The following EPM2A variants were observed in gnomAD, a reference collection of about 807,000 sequenced individuals.
EPM2A encodes laforin.
EPM2A carries 21 observed loss-of-function variants against 26.5 expected under a neutral mutation model. The ratio of observed to expected loss-of-function variants is 0.79; its 90% CI spans 0.56 to 1.14. EPM2A has a LOEUF of 1.14. Ranked by LOEUF, EPM2A falls within the 50% of genes most tolerant of loss-of-function variation. The pLI is 0.00. For missense variants in EPM2A, 458 were observed against 440.8 expected (o/e 1.04, Z -0.35); for synonymous variants, 217 against 177.6 (o/e 1.22, Z -1.76).
intron 2 of EPM2A, among the ~76,000 whole-genome samples, chr6:145,617,756 T>C (rs1230539878): frequency 2.6e-5 from 4 of 152,058 alleles, no homozygotes; most frequent in Non-Finnish European, 4.4e-5. Flanking sequence ...CTGGGTGACA[T>C]AGTGAGACCC....
chr6:145,388,273 TC>T (rs1165760574), intron 4 of EPM2A, among the ~76,000 whole-genome samples: 1 of 152,148 alleles, frequency 6.6e-6, no homozygotes, highest in African/African-American at 2.4e-5. Flanking sequence ...CCTGTGAAGA[TC>T]CACAGAGTTC....
At chr6:145,397,458 A>G (rs1778420812) in intron 4 of EPM2A, among the ~76,000 whole-genome samples, 1 of 152,150 alleles carries the variant, frequency 6.6e-6, no homozygotes, top group Non-Finnish European at 1.5e-5. Context: ...AAGGGGCAAC[A>G]GAAAAGAAAG....
chr6:145,535,908 A>T (rs1281676360), intron 2 of EPM2A, among the ~76,000 whole-genome samples: 1 of 152,266 alleles, frequency 6.6e-6, no homozygotes, highest in Non-Finnish European at 1.5e-5. Flanking sequence ...CTCTGCCTGA[A>T]GCCCTGCTTT....
chr6:145,679,332 A>G (rs1780322170), intron 2 of EPM2A, among the ~76,000 whole-genome samples: 1 of 152,140 alleles, frequency 6.6e-6, no homozygotes, highest in South Asian at 2.1e-4. Flanking sequence ...TGGGTGCAGC[A>G]AACCAACATG....
At chr6:145,713,347 A>G (rs1775442480) in intron 1 of EPM2A, among the ~76,000 whole-genome samples, 2 of 152,222 alleles carry the variant, frequency 1.3e-5, no homozygotes, top group Non-Finnish European at 2.9e-5. Flanking sequence ...CAACACAGCA[A>G]TGAAAAGGCA....
At chr6:145,723,382 T>C (rs1381863539) in intron 1 of EPM2A, among the ~76,000 whole-genome samples, 1 of 151,960 alleles carries the variant, frequency 6.6e-6, no homozygotes, top group Non-Finnish European at 1.5e-5. Flanking sequence ...AAACAAATAA[T>C]CTAATTTCAC....
At position 145,730,909 on chromosome 6, in the gene EPM2A, C is replaced by T. The variant is rs570895542; in HGVS notation, c.301+4289G>A. Among the ~76,000 whole-genome samples, 5 of 152,150 alleles carry T rather than the reference C, an allele frequency of 3.3e-5. No individual in the cohort carries two copies. The South Asian group carries it at 1.0e-3, about 32-fold the overall frequency. On this transcript the variant is annotated intron_variant, in intron 1 of 3. Transcript: ENST00000367519. ...GGAGAGGAGTTGAAAGAAAGGTTTC[C>T]CACCTGCCTCCTTCAACCCCTTCCC... is the stretch of plus-strand genomic sequence containing the variant.
intron 4 of EPM2A, among the ~76,000 whole-genome samples, chr6:145,417,728 C>T (rs1324127456): frequency 6.6e-6 from 1 of 152,138 alleles, no homozygotes; most frequent in Non-Finnish European, 1.5e-5. Context: ...AACTTTCAAT[C>T]CACCTAACCT....
intron 2 of EPM2A, among the ~76,000 whole-genome samples, chr6:145,575,589 G>T (rs1781019910): frequency 6.6e-6 from 1 of 152,246 alleles, no homozygotes; most frequent in East Asian, 1.9e-4. Flanking sequence ...GAACTTAGGA[G>T]AAACCAACCA....
chr6:145,459,640 T>G (rs918917515), intron 4 of EPM2A, among the ~76,000 whole-genome samples: 1 of 152,198 alleles, frequency 6.6e-6, no homozygotes, highest in Non-Finnish European at 1.5e-5. Flanking sequence ...CCTATTTATT[T>G]TTTCAGTGAT....
downstream of EPM2A, among the ~76,000 whole-genome samples, chr6:145,496,992 G>A (rs1356473863): frequency 6.6e-6 from 1 of 152,118 alleles, no homozygotes; most frequent in East Asian, 1.9e-4. Flanking sequence ...TCCCTGCATT[G>A]AGTTAGAATG....
At chr6:145,714,998 C>A (rs1775536736) in intron 1 of EPM2A, among the ~76,000 whole-genome samples, 1 of 152,132 alleles carries the variant, frequency 6.6e-6, no homozygotes, top group Non-Finnish European at 1.5e-5. Context: ...TATCAAGGAA[C>A]AAATGTTTGC....
intron 4 of EPM2A, among the ~76,000 whole-genome samples, chr6:145,387,038 G>C (rs1474157251): frequency 6.6e-6 from 1 of 152,070 alleles, no homozygotes; most frequent in Non-Finnish European, 1.5e-5. Flanking sequence ...TTGTTTTGGG[G>C]CAAAATTTCT....
intron 3 of EPM2A, 121 bp from the exon 4 acceptor site, chr6:145,627,814 G>A: frequency 1.4e-6 from 2 of 1,407,998 alleles, no homozygotes; most frequent in Non-Finnish European, 1.9e-6. Flanking sequence ...GGATACGAGA[G>A]TTTGCTTTCT....
At chr6:145,573,706 C>A (rs1380985072) in intron 2 of EPM2A, among the ~76,000 whole-genome samples, 1 of 152,178 alleles carries the variant, frequency 6.6e-6, no homozygotes, top group Non-Finnish European at 1.5e-5. Context: ...TTCACCCTAC[C>A]AGTCAGGGAG....
rs1400988390 is a variant in EPM2A, at chr6:145,626,222, T to C, written c.*1194A>G. The stretch of plus-strand genomic sequence containing the variant: ...AGGTCTGTTTCTAGGCAGCACATTT[T>C]TGAAGGCAAAGTTGTTCATCTCTGT... On this transcript the variant is annotated 3_prime_UTR_variant, in exon 4 of 4. Transcript: ENST00000367519. 3.0e-6 allele frequency: 3 copies of C among 991,852 alleles called. No homozygotes were observed. The highest frequency in any genetic ancestry group is 3.6e-6 in the Non-Finnish European group (3 of 833,746). The allele number at this position is 991,852 out of a possible 1,614,324, so 61.4% of individuals were successfully genotyped here. A position where few individuals can be genotyped will look rare whatever the true frequency, so the allele number is the denominator to read the frequency against.
chr6:145,516,397 G>A (rs1478511323), intron 2 of EPM2A, among the ~76,000 whole-genome samples: 3 of 152,174 alleles, frequency 2.0e-5, no homozygotes, highest in Non-Finnish European at 4.4e-5. Flanking sequence ...GGACCTAGAT[G>A]TCAAGATGAA....
chr6:145,610,414 G>A (rs981812387), intron 2 of EPM2A, among the ~76,000 whole-genome samples: 3 of 152,106 alleles, frequency 2.0e-5, no homozygotes, highest in African/African-American at 7.2e-5. Flanking sequence ...AAAGCAAAAA[G>A]CACAAAGTAA....
intron 4 of EPM2A, among the ~76,000 whole-genome samples, chr6:145,412,565 C>G (rs1582735535): frequency 6.6e-6 from 1 of 152,150 alleles, no homozygotes; most frequent in East Asian, 1.9e-4. Context: ...CAACATTGTT[C>G]TGGCCAAAAA....
Sources: gnomAD v4.1 joint callset for allele counts (sites outside exome capture counted in the v4.1 genomes callset) on GRCh38, gnomAD v4.1.1 for gene constraint, MANE v1.5 for transcripts, NCBI Gene and HGNC (gene_info 2026-07-23, HGNC 2026-07-21) for gene names.